CSNK2A2IP: variants seen among roughly 807,000 people sequenced by gnomAD.
CSNK2A2IP encodes the protein casein kinase II subunit alpha'-interacting protein.
the CSNK2A2IP span, among the ~76,000 whole-genome samples, chr3:88,437,262 C>G: frequency 3.7e-4 from 57 of 152,216 alleles, no homozygotes; most frequent in African/African-American, 1.3e-3. Context: ...ATCTGTTTAC[C>G]TCTTCCACAG....
the CSNK2A2IP span, among the ~76,000 whole-genome samples, chr3:88,380,275 T>C: frequency 6.6e-6 from 1 of 151,954 alleles, no homozygotes; most frequent in Non-Finnish European, 1.5e-5. Context: ...ATACAGATAA[T>C]AGGCCAGGAT....
the CSNK2A2IP span, among the ~76,000 whole-genome samples, chr3:88,432,971 C>T: frequency 6.8e-4 from 103 of 151,884 alleles, 1 homozygote; most frequent in East Asian, 0.014. Context: ...TACCTGGAAG[C>T]AGAACGAGTC....
At chr3:88,423,495 C>T in the CSNK2A2IP span, among the ~76,000 whole-genome samples, 1 of 152,042 alleles carries the variant, frequency 6.6e-6, no homozygotes, top group African/African-American at 2.4e-5. Flanking sequence ...GATCAGGGAG[C>T]TATGTCTGGG....
chr3:88,392,999 A>C, the CSNK2A2IP span, among the ~76,000 whole-genome samples: 1 of 152,162 alleles, frequency 6.6e-6, no homozygotes, highest in Non-Finnish European at 1.5e-5. Context: ...AAAGGGGAGG[A>C]TTGGCCTTGA....
the CSNK2A2IP span, among the ~76,000 whole-genome samples, chr3:88,387,439 G>T: frequency 7.9e-5 from 12 of 152,108 alleles, no homozygotes; most frequent in Non-Finnish European, 1.6e-4. Flanking sequence ...AAAATGCTGG[G>T]ATTACAGGCA....
the CSNK2A2IP span, among the ~76,000 whole-genome samples, chr3:88,449,842 C>T: frequency 1.2e-3 from 105 of 86,608 alleles, no homozygotes; most frequent in African/African-American, 2.8e-3. Context: ...CACACACACA[C>T]ACACACACAC....
chr3:88,450,482 T>A, the CSNK2A2IP span, among the ~76,000 whole-genome samples: 1 of 148,986 alleles, frequency 6.7e-6, no homozygotes, highest in Non-Finnish European at 1.5e-5. Flanking sequence ...TTGTTCTCCA[T>A]CTCTGCGTAG....
the CSNK2A2IP span, among the ~76,000 whole-genome samples, chr3:88,418,301 G>A: frequency 2.6e-5 from 4 of 151,934 alleles, no homozygotes; most frequent in African/African-American, 4.8e-5. Flanking sequence ...GAAAAAGATC[G>A]TGGTGCAGTG....
chr3:88,360,693 G>A, the CSNK2A2IP span, among the ~76,000 whole-genome samples: 19 of 151,900 alleles, frequency 1.3e-4, no homozygotes, highest in Non-Finnish European at 1.5e-5. Context: ...TTAATAATAG[G>A]CAAGAACTTA....
At chr3:88,441,032 G>A in the CSNK2A2IP span, among the ~76,000 whole-genome samples, 1 of 152,270 alleles carries the variant, frequency 6.6e-6, no homozygotes, top group Non-Finnish European at 1.5e-5. Context: ...GTTCAGAGGT[G>A]AATTAAAAGG....
At chr3:88,438,974 T>C in the CSNK2A2IP span, among the ~76,000 whole-genome samples, 1 of 152,200 alleles carries the variant, frequency 6.6e-6, no homozygotes, top group African/African-American at 2.4e-5. Context: ...CTGTCTCACC[T>C]ACTTTGCATT....
At chr3:88,385,581 A>C in the CSNK2A2IP span, among the ~76,000 whole-genome samples, 4 of 152,198 alleles carry the variant, frequency 2.6e-5, no homozygotes, top group African/African-American at 9.6e-5. Flanking sequence ...TGTAGGTTCA[A>C]AAATGTTTAT....
chr3:88,450,552 GT>G, the CSNK2A2IP span, among the ~76,000 whole-genome samples: 1 of 152,038 alleles, frequency 6.6e-6, no homozygotes, highest in Non-Finnish European at 1.5e-5. Flanking sequence ...TTTTCTTTCT[GT>G]GTTTGGGTTA....
At chr3:88,389,444 G>C in the CSNK2A2IP span, among the ~76,000 whole-genome samples, 1 of 152,176 alleles carries the variant, frequency 6.6e-6, no homozygotes, top group Non-Finnish European at 1.5e-5. Context: ...TGAGAGCAGA[G>C]GAAAATGAGG....
the CSNK2A2IP span, among the ~76,000 whole-genome samples, chr3:88,453,142 T>C: frequency 6.6e-6 from 1 of 152,144 alleles, no homozygotes; most frequent in Admixed American, 6.6e-5. Context: ...TCTGTATAAC[T>C]GAACTGGAGA....
chr3:88,389,451 G>T, the CSNK2A2IP span, among the ~76,000 whole-genome samples: 1 of 152,200 alleles, frequency 6.6e-6, no homozygotes, highest in Non-Finnish European at 1.5e-5. Context: ...AGAGGAAAAT[G>T]AGGTTGGAGA....
the CSNK2A2IP span, among the ~76,000 whole-genome samples, chr3:88,360,105 A>C: frequency 6.6e-6 from 1 of 151,080 alleles, no homozygotes; most frequent in African/African-American, 2.4e-5. Context: ...GCAATGACAC[A>C]ATGACTTTCT....
the CSNK2A2IP span, among the ~76,000 whole-genome samples, chr3:88,454,829 T>C: frequency 4.6e-5 from 7 of 151,860 alleles, no homozygotes; most frequent in Admixed American, 2.0e-4. Flanking sequence ...CCTTTCAAAT[T>C]TCAACTATAC....
chr3:88,413,808 A>G, the CSNK2A2IP span, among the ~76,000 whole-genome samples: 3 of 152,006 alleles, frequency 2.0e-5, no homozygotes, highest in African/African-American at 7.3e-5. Flanking sequence ...TGATTAATTA[A>G]TAATGCAAAA....
Sources: gnomAD v4.1 joint callset for allele counts (sites outside exome capture counted in the v4.1 genomes callset) on GRCh38, gnomAD v4.1.1 for gene constraint, MANE v1.5 for transcripts, NCBI Gene and HGNC (gene_info 2026-07-23, HGNC 2026-07-21) for gene names.